TMLHE: variants seen among roughly 807,000 people sequenced by gnomAD.
The protein encoded by TMLHE is trimethyllysine hydroxylase, epsilon.
In TMLHE, 18 loss-of-function variants were observed where a neutral mutation model predicts 25.7. The ratio of observed to expected loss-of-function variants is 0.70; its 90% CI spans 0.48 to 1.04. The LOEUF (loss-of-function observed/expected upper bound fraction) is 1.04, where lower values mean the gene tolerates loss of function less well. TMLHE is among the 50% of genes least tolerant of loss of function. The pLI, the probability that TMLHE is intolerant of heterozygous loss-of-function variation, is 0.00. For missense variants in TMLHE, 236 were observed against 259.0 expected (o/e 0.91, Z 0.61); for synonymous variants, 105 against 97.0 (o/e 1.08, Z -0.49).
chrX:155,592,609 G>T (rs1191160199), intron 1 of TMLHE, among the ~76,000 whole-genome samples: 2 of 111,980 alleles, frequency 1.8e-5, no homozygotes, highest in African/African-American at 6.5e-5. Flanking sequence ...TAGATTTCTA[G>T]CATTCCAAGA....
chrX:155,566,392 C>T (rs2124450709), intron 1 of TMLHE, among the ~76,000 whole-genome samples: 1 of 61,606 alleles, frequency 1.6e-5, no homozygotes, highest in East Asian at 7.2e-4. Flanking sequence ...AGGATTTCTT[C>T]CAGTCTAAGC....
chrX:155,510,346 C>A (rs2067100137), intron 5 of TMLHE, among the ~76,000 whole-genome samples: 1 of 102,940 alleles, frequency 9.7e-6, no homozygotes, highest in Non-Finnish European at 2.0e-5. Context: ...TGTGCTGCAC[C>A]CACTAACTCA....
chrX:155,545,746 A>G (rs2067340554), intron 1 of TMLHE, among the ~76,000 whole-genome samples: 1 of 111,493 alleles, frequency 9.0e-6, no homozygotes, highest in Non-Finnish European at 1.9e-5. Flanking sequence ...TTATGTTACA[A>G]TTGCCTACAG....
chrX:155,559,376 T>A (rs921418259), intron 1 of TMLHE, among the ~76,000 whole-genome samples: 1 of 110,934 alleles, frequency 9.0e-6, no homozygotes, highest in Non-Finnish European at 1.9e-5. Flanking sequence ...TATTATCTTT[T>A]AAAAAAAAGA....
At chrX:155,555,849 T>A (rs1298108944) in intron 1 of TMLHE, among the ~76,000 whole-genome samples, 2 of 110,396 alleles carry the variant, frequency 1.8e-5, no homozygotes, top group Non-Finnish European at 3.8e-5. Flanking sequence ...TAGTTTCTTT[T>A]GCTGTGCAGA....
At chrX:155,578,401 A>C (rs1425700558) in intron 1 of TMLHE, among the ~76,000 whole-genome samples, 6 of 111,555 alleles carry the variant, frequency 5.4e-5, no homozygotes, top group Admixed American at 4.7e-4. Flanking sequence ...AGGCCTGGGG[A>C]TCTCTCAGCC....
intron 1 of TMLHE, among the ~76,000 whole-genome samples, chrX:155,548,689 T>A (rs781803272): frequency 2.8e-5 from 3 of 107,590 alleles, no homozygotes; most frequent in Non-Finnish European, 5.8e-5. Flanking sequence ...GAGCTGAGAT[T>A]GTGCCACTGC....
At chrX:155,559,066 C>A (rs2067477422) in intron 1 of TMLHE, among the ~76,000 whole-genome samples, 2 of 111,316 alleles carry the variant, frequency 1.8e-5, no homozygotes, top group Non-Finnish European at 3.8e-5. Context: ...TCTTTGTTAG[C>A]CTCAGTAATA....
chrX:155,514,550 A>C (rs2067139556), intron 3 of TMLHE, among the ~76,000 whole-genome samples: 5 of 110,904 alleles, frequency 4.5e-5, no homozygotes. Context: ...AAAATTCATC[A>C]AGTCATCAAA....
intron 1 of TMLHE, among the ~76,000 whole-genome samples, chrX:155,584,290 T>C (rs1035730224): frequency 1.8e-5 from 2 of 109,557 alleles, no homozygotes; most frequent in Admixed American, 9.8e-5. Flanking sequence ...GACAGGTCTT[T>C]TGAAATAATC....
chrX:155,570,062 C>T (rs1313201020), intron 1 of TMLHE, among the ~76,000 whole-genome samples: 1 of 55,501 alleles, frequency 1.8e-5, no homozygotes, highest in African/African-American at 4.3e-5. Flanking sequence ...AGAGTCAAGA[C>T]CCATCAGTGT....
At chrX:155,534,297 G>A (rs1470899626) in intron 2 of TMLHE, among the ~76,000 whole-genome samples, 2 of 111,944 alleles carry the variant, frequency 1.8e-5, no homozygotes, top group Non-Finnish European at 3.8e-5. Context: ...GCAGTGGTGC[G>A]ATCTCGGCTT....
intron 2 of TMLHE, among the ~76,000 whole-genome samples, chrX:155,542,220 T>G (rs966324823): frequency 1.8e-5 from 2 of 111,607 alleles, no homozygotes; most frequent in Non-Finnish European, 3.8e-5. Context: ...TTAATTTTTG[T>G]GTAAGGTATA....
chrX:155,599,301 A>T (rs1225497618), intron 1 of TMLHE, among the ~76,000 whole-genome samples: 1 of 111,750 alleles, frequency 8.9e-6, no homozygotes, highest in Non-Finnish European at 1.9e-5. Flanking sequence ...ACTCATGTTT[A>T]AGGCAAGTAT....
In TMLHE at chrX:155,512,289, G is replaced by A. The variant is rs1442331656; in HGVS notation, c.639-497C>T. On this transcript the variant is annotated intron_variant, in intron 4 of 7. Transcript: ENST00000334398. ...CCACTAACTCATCATCTAGCATTAG[G>A]TATATCTCCCAATGCTATCCCTCCC... Among the ~76,000 whole-genome samples, 4 of 106,866 alleles carry A rather than the reference G, an allele frequency of 3.7e-5. No homozygotes were observed. In the Admixed American group the frequency reaches 4.0e-4, roughly 11 times the overall value. 92.8% of individuals were successfully genotyped at this position (106,866 alleles called of 115,157 possible).
intron 2 of TMLHE, among the ~76,000 whole-genome samples, chrX:155,526,202 G>A (rs2067218611): frequency 8.9e-6 from 1 of 112,977 alleles, no homozygotes; most frequent in Admixed American, 9.3e-5. Context: ...TGTGGGCCAG[G>A]CCCAGGGCCC....
chrX:155,511,180 G>A (rs1557333481), intron 5 of TMLHE, among the ~76,000 whole-genome samples: 1 of 111,439 alleles, frequency 9.0e-6, no homozygotes, highest in Non-Finnish European at 1.9e-5. Flanking sequence ...TTAGCTCATG[G>A]AGGTGGATAA....
intron 1 of TMLHE, among the ~76,000 whole-genome samples, chrX:155,552,142 A>G (rs782230920): frequency 9.1e-6 from 1 of 110,099 alleles, no homozygotes; most frequent in African/African-American, 3.4e-5. Flanking sequence ...ATTTTCTAAT[A>G]GTTTGTTCGA....
chrX:155,547,346 G>C (rs908157081), intron 1 of TMLHE, among the ~76,000 whole-genome samples: 1 of 108,156 alleles, frequency 9.2e-6, no homozygotes. Flanking sequence ...GGGTTTCACC[G>C]TGTTAGCCAG....
Sources: allele counts gnomAD v4.1 joint callset (sites outside exome capture counted in the v4.1 genomes callset), GRCh38; gene constraint gnomAD v4.1.1; transcripts MANE v1.5; gene names NCBI Gene and HGNC (gene_info 2026-07-23, HGNC 2026-07-21).